The following ITPR1 variants were observed in gnomAD, a reference collection of about 807,000 sequenced individuals.
ITPR1 encodes inositol 1,4,5-trisphosphate-gated calcium channel ITPR1.
Under a neutral mutation model 318.4 loss-of-function variants are expected in ITPR1, and 96 were observed. That is an observed-to-expected ratio of 0.30 (90% confidence interval 0.26 to 0.36). The LOEUF (loss-of-function observed/expected upper bound fraction) is 0.36, where lower values mean the gene tolerates loss of function less well. Among genes scored for constraint, ITPR1 ranks in the 10% least tolerant of loss-of-function variants. The pLI, the probability that ITPR1 is intolerant of heterozygous loss-of-function variation, is 1.00. For synonymous variants in ITPR1, 1,312 were observed against 1,289.9 expected, an observed-to-expected ratio of 1.02 and a Z score of -0.37; for missense variants, 2,440 against 3,460.2, an observed-to-expected ratio of 0.71 and a Z score of 7.40.
intron 56 of ITPR1, among the ~76,000 whole-genome samples, chr3:4,812,372 A>G (rs574259115): frequency 6.6e-5 from 10 of 152,186 alleles, no homozygotes; most frequent in Admixed American, 5.2e-4. Flanking sequence ...GCCCATATAC[A>G]TATATTAAAA....
intron 2 of ITPR1, among the ~76,000 whole-genome samples, chr3:4,506,599 C>T (rs777322548): frequency 4.6e-5 from 7 of 152,144 alleles, no homozygotes; most frequent in East Asian, 1.9e-4. Flanking sequence ...ATAGGTATCA[C>T]GGGAGCAGGG....
At chr3:4,616,660 T>A (rs2092401413) in intron 4 of ITPR1, among the ~76,000 whole-genome samples, 2 of 152,210 alleles carry the variant, frequency 1.3e-5, no homozygotes, top group African/African-American at 4.8e-5. Flanking sequence ...GAGATGGTTT[T>A]GAAGAGTTCA....
intron 53 of ITPR1, among the ~76,000 whole-genome samples, chr3:4,798,621 T>C (rs1455528011): frequency 6.6e-6 from 1 of 152,238 alleles, no homozygotes; most frequent in Non-Finnish European, 1.5e-5. Context: ...AATGAAAATA[T>C]GTCCACTCCA....
chr3:4,693,797 G>A (rs1187607007), intron 33 of ITPR1, 56 bp downstream of exon 33: 17 of 1,541,092 alleles, frequency 1.1e-5, no homozygotes, highest in East Asian at 2.4e-5. Flanking sequence ...GTGTGCTGTC[G>A]TGGCTCACTG....
intron 4 of ITPR1, among the ~76,000 whole-genome samples, chr3:4,532,821 C>T (rs1011035825): frequency 3.3e-5 from 5 of 152,178 alleles, no homozygotes; most frequent in Non-Finnish European, 1.5e-5. Context: ...ATCAAAGTGC[C>T]CAGAGGTAGA....
Position 4,710,356 on chromosome 3 carries a change from G to A in ITPR1, c.4874G>A (p.Arg1625Lys). ...DIVSALEDRL[R>K]PLVQAELSVL... Reference sequence around the variant, plus strand: ...GTCTCCGCGCTGGAGGACCGTCTCAGGCCCCTGGTGCAGGCAGAGTTATCT... The same window carrying A: ...GTCTCCGCGCTGGAGGACCGTCTCAAGCCCCTGGTGCAGGCAGAGTTATCT... The change falls in exon 38 of 62, where the codon AGG (arginine) becomes AAG (lysine). Residue 1625 changes from arginine (R) to lysine (K), a missense_variant. Physicochemically the swap from Arg to Lys is conservative, Grantham distance 26. Coordinates refer to ENST00000649015, the MANE Select transcript of ITPR1 (RefSeq NM_001378452.1). The surrounding 1 kb of genome is among the most constrained non-coding windows in gnomAD (Gnocchi z 4.2). 1 of 1,569,642 alleles carries A rather than the reference G, an allele frequency of 6.4e-7. No individual in the cohort carries two copies. The highest frequency in any genetic ancestry group is 1.9e-5 in the Admixed American group (1 of 53,820).
chr3:4,811,510 A>G (rs765409891), intron 56 of ITPR1, 50 bp downstream of exon 56: 4 of 1,455,988 alleles, frequency 2.7e-6, no homozygotes, highest in Non-Finnish European at 3.8e-6. Flanking sequence ...TTATTTCCTG[A>G]TTATAACTGA....
intron 10 of ITPR1, among the ~76,000 whole-genome samples, chr3:4,648,471 A>T (rs372982592): frequency 6.6e-6 from 1 of 152,304 alleles, no homozygotes; most frequent in South Asian, 2.1e-4. Context: ...AGCTAATTAA[A>T]TACGCTGGGT....
At chr3:4,720,857 A>C (rs1389723792) in intron 40 of ITPR1, among the ~76,000 whole-genome samples, 1 of 152,098 alleles carries the variant, frequency 6.6e-6, no homozygotes, top group African/African-American at 2.4e-5. Context: ...CGTTCTCATG[A>C]CGCCCAACCC....
At chr3:4,713,668 A>G (rs991802420) in intron 39 of ITPR1, among the ~76,000 whole-genome samples, 2 of 152,240 alleles carry the variant, frequency 1.3e-5, no homozygotes, top group Admixed American at 6.5e-5. Context: ...AAGAAAGGGC[A>G]TAGGGTTGAG....
At chr3:4,802,877 T>C (rs1489092141) in intron 54 of ITPR1, among the ~76,000 whole-genome samples, 2 of 148,408 alleles carry the variant, frequency 1.3e-5, no homozygotes, top group East Asian at 2.0e-4. Flanking sequence ...GAAAGAGAGA[T>C]GAGGAAATAG....
At position 4,679,784 on chromosome 3, in the gene ITPR1, A is replaced by G. The variant is rs139758737; in HGVS notation, c.2968-769A>G. ...ACACTGAGTTTGAGGCCCTGGGAAG[A>G]TAGCAAATAGGATGTCCAACAGTCT... is the stretch of plus-strand genomic sequence containing the variant. On this transcript the variant is annotated intron_variant, in intron 24 of 61. Coordinates refer to ENST00000649015, the MANE Select transcript of ITPR1 (RefSeq NM_001378452.1). Among the ~76,000 whole-genome samples, 27 of 152,314 alleles carry G rather than the reference A, an allele frequency of 1.8e-4. 1 individual carries two copies. The highest frequency in any genetic ancestry group is 6.5e-4 in the African/African-American group (27 of 41,566).
chr3:4,797,943 C>T (rs574162453), intron 53 of ITPR1, among the ~76,000 whole-genome samples: 4 of 152,170 alleles, frequency 2.6e-5, no homozygotes, highest in Non-Finnish European at 5.9e-5. Context: ...CTGTAATAGC[C>T]TGCCCAAATT....
Position 4,821,224 on chromosome 3 carries a change from A to G in ITPR1, c.8028+2982A>G, listed in dbSNP as rs188580921. On this transcript the variant is annotated intron_variant, in intron 60 of 61. Coordinates refer to ENST00000649015, the MANE Select transcript of ITPR1 (RefSeq NM_001378452.1). ...CCTTTGATACAGGCTCTTTTAGGGT[A>G]TGTGGTCCTCAGGAAAAATACCTCT... Among the ~76,000 whole-genome samples, 216 of 152,310 alleles carry G rather than the reference A, an allele frequency of 1.4e-3. 11 individuals are homozygous for G. The South Asian group carries it at 0.038, about 26-fold the overall frequency.
intron 53 of ITPR1, 103 bp downstream of exon 53, chr3:4,795,290 T>A (rs969181039): frequency 2.7e-5 from 27 of 989,428 alleles, no homozygotes; most frequent in Non-Finnish European, 3.7e-5. Context: ...GTACTGGGGA[T>A]CCCAGTTATC....
chr3:4,638,607 A>G (rs938462585), intron 5 of ITPR1, among the ~76,000 whole-genome samples: 3 of 152,226 alleles, frequency 2.0e-5, no homozygotes, highest in African/African-American at 4.8e-5. Flanking sequence ...TAATAAATGC[A>G]TGGTTTAAAA....
intron 4 of ITPR1, among the ~76,000 whole-genome samples, chr3:4,525,968 G>A (rs2082946741): frequency 6.6e-6 from 1 of 152,138 alleles, no homozygotes; most frequent in African/African-American, 2.4e-5. Context: ...TCACCTCCAG[G>A]GTTGTTGGAG....
At chr3:4,715,942 G>A (rs1179446789) in intron 39 of ITPR1, among the ~76,000 whole-genome samples, 1 of 151,798 alleles carries the variant, frequency 6.6e-6, no homozygotes, top group African/African-American at 2.4e-5. Context: ...TGACCACTTA[G>A]GAATAAAAAA....
chr3:4,506,752 G>T lies in ITPR1; in HGVS notation c.-16-9724G>T, dbSNP rs144308655. On this transcript the variant is annotated intron_variant, in intron 2 of 61. Transcript: ENST00000649015. ...CACTTTCTAGAGCCCTGGCTGTTCA[G>T]TTTTATATTTTGCATTTTCATCCTG... is the stretch of plus-strand genomic sequence containing the variant. Among the ~76,000 whole-genome samples, 19 of 152,292 alleles carry T rather than the reference G, an allele frequency of 1.2e-4. No homozygotes were observed. In the East Asian group the frequency reaches 3.7e-3, roughly 29 times the overall value.
Sources: gnomAD v4.1 joint callset for allele counts (sites outside exome capture counted in the v4.1 genomes callset) on GRCh38, gnomAD v4.1.1 for gene constraint, Gnocchi (gnomAD v3.1) non-coding constraint, MANE v1.5 for transcripts, NCBI Gene and HGNC (gene_info 2026-07-23, HGNC 2026-07-21) for gene names.